Variants in TBC1D16 observed in about 807,000 individuals in gnomAD.
The protein encoded by TBC1D16 is TBC1 domain family member 16.
TBC1D16 carries 58 observed loss-of-function variants against 74.7 expected under a neutral mutation model. The observed-to-expected ratio is 0.78, with a 90% CI of 0.63 to 0.97. The LOEUF is 0.97. Ranked by LOEUF, TBC1D16 falls within the 50% of genes least tolerant of loss-of-function variation. TBC1D16 has a pLI of 0.00. For missense variants in TBC1D16, 1,014 were observed against 1,079.5 expected (o/e 0.94, Z 0.85); for synonymous variants, 493 against 474.7 (o/e 1.04, Z -0.50).
At chr17:79,949,162 C>A (rs544407021) in intron 7 of TBC1D16, among the ~76,000 whole-genome samples, 156 bp from the exon 8 acceptor site, 2 of 152,360 alleles carry the variant, frequency 1.3e-5, no homozygotes, top group South Asian at 4.1e-4. Flanking sequence ...CCGGATGCGG[C>A]GGATGGGTGG....
At chr17:80,021,699 T>TCACAGACA in intron 1 of TBC1D16, among the ~76,000 whole-genome samples, 1 of 146,246 alleles carries the variant, frequency 6.8e-6, no homozygotes, top group Non-Finnish European at 1.5e-5. Context: ...TGCATAAACA[T>TCACAGACA]CACAGACACA....
rs2036960159 is a variant in TBC1D16, at chr17:80,035,579, T to C, written c.-63+216A>G. On this transcript the variant is annotated intron_variant, in intron 1 of 11. Transcript: ENST00000310924. The surrounding 1 kb of genome is among the most constrained non-coding windows in gnomAD (Gnocchi z 5.3). ...AAAGTCCCCAGGTGCCCCTCCGTGA[T>C]CCAGGTCCTCCCACAACGCTCCCGC... is the stretch of plus-strand genomic sequence containing the variant. Among the ~76,000 whole-genome samples, 1 of 151,770 alleles carries C rather than the reference T, an allele frequency of 6.6e-6. No homozygotes were observed. The highest frequency in any genetic ancestry group is 1.5e-5 in the Non-Finnish European group (1 of 67,900).
intron 3 of TBC1D16, among the ~76,000 whole-genome samples, chr17:79,967,534 T>C (rs1052337336): frequency 6.6e-6 from 1 of 152,166 alleles, no homozygotes; most frequent in African/African-American, 2.4e-5. Context: ...CTCTTCACAA[T>C]ACACGTACAC....
intron 3 of TBC1D16, among the ~76,000 whole-genome samples, chr17:80,002,599 C>T (rs868654717): frequency 2.0e-5 from 3 of 152,192 alleles, no homozygotes; most frequent in African/African-American, 4.8e-5. Flanking sequence ...GAGAGTTTTT[C>T]GGGCCTGTCC....
intron 3 of TBC1D16, among the ~76,000 whole-genome samples, chr17:79,960,031 C>CT (rs1429828570): frequency 2.0e-5 from 3 of 151,516 alleles, no homozygotes; most frequent in Non-Finnish European, 4.4e-5. Context: ...ACAAAGGTTT[C>CT]TTAGACCAGA....
chr17:79,965,815 C>G (rs962857457), intron 3 of TBC1D16, among the ~76,000 whole-genome samples: 1 of 152,240 alleles, frequency 6.6e-6, no homozygotes, highest in Non-Finnish European at 1.5e-5. Context: ...CTCCCCTTCA[C>G]CCCTGCTCCT....
At chr17:80,034,629 T>C (rs1472342874) in intron 1 of TBC1D16, among the ~76,000 whole-genome samples, 1 of 152,246 alleles carries the variant, frequency 6.6e-6, no homozygotes, top group African/African-American at 2.4e-5. Flanking sequence ...ACTTTGTAGT[T>C]AATACCAAAA....
chr17:79,935,459 C>T lies in TBC1D16; in HGVS notation c.*5400G>A, dbSNP rs1196722730. On this transcript the variant is annotated 3_prime_UTR_variant, in exon 12 of 12. Transcript: ENST00000310924. ...GTCCCCACAGCCCCCATCCAGCTCTCTTTTACACCTTCCCCTCCCCCATCT... is the reference window on the plus strand; with the variant it reads ...GTCCCCACAGCCCCCATCCAGCTCTTTTTTACACCTTCCCCTCCCCCATCT... 1 of 152,310 alleles carries T rather than the reference C, an allele frequency of 6.6e-6. No homozygotes were observed. Among genetic ancestry groups the T allele is most frequent in the African/African-American group, 2.4e-5 (1 of 41,472 alleles). The allele number at this position is 152,310 out of a possible 1,614,324, so 9.4% of individuals were successfully genotyped here.
chr17:79,947,674 G>A lies in TBC1D16; in HGVS notation c.1699C>T (p.Pro567Ser). ...TGTTTCTCCATGTCCTCGTCCCGGG[G>A]TGAGCTGACGAAGATCGTGTTCTGC... ...LMQNTIFVSS[P>S]RDEDMEKQLL... is the part of the protein sequence containing the mutation. Residue 567 changes from proline (P) to serine (S), a missense_variant, in exon 9 of 12, where the codon CCC (proline) becomes TCC (serine). Pro to Ser is a moderately conservative substitution (Grantham distance 74). Transcript: ENST00000310924. 6.2e-7 allele frequency: 1 copy of A among 1,614,116 alleles called. No individual in the cohort carries two copies. Among genetic ancestry groups the A allele is most frequent in the Non-Finnish European group, 8.5e-7 (1 of 1,180,020 alleles).
At chr17:79,974,841 G>C (rs1204340748) in intron 3 of TBC1D16, among the ~76,000 whole-genome samples, 2 of 152,208 alleles carry the variant, frequency 1.3e-5, no homozygotes, top group Non-Finnish European at 2.9e-5. Context: ...TTTATCTTAT[G>C]ATGCTGAGGA....
intron 4 of TBC1D16, chr17:79,951,916 G>A (rs1463929167): frequency 1.6e-5 from 4 of 248,952 alleles, no homozygotes; most frequent in East Asian, 1.7e-4. Context: ...GGGTCCCAAC[G>A]CTGAGTGCCC....
intron 3 of TBC1D16, among the ~76,000 whole-genome samples, chr17:79,974,771 C>G (rs2034258819): frequency 6.6e-6 from 1 of 152,158 alleles, no homozygotes; most frequent in Non-Finnish European, 1.5e-5. Flanking sequence ...CCCTGGGGAC[C>G]CAGCAAAGGC....
In TBC1D16 at chr17:80,001,150, C is replaced by G. The variant is rs1416057733; in HGVS notation, c.779+9010G>C. 1.3e-5 allele frequency among the ~76,000 whole-genome samples: 2 copies of G among 152,252 alleles called. No homozygotes were observed. The highest frequency in any genetic ancestry group is 4.8e-5 in the African/African-American group (2 of 41,476). On this transcript the variant is annotated intron_variant, in intron 3 of 11. Transcript: ENST00000310924. The surrounding 1 kb of genome is among the most constrained non-coding windows in gnomAD (Gnocchi z 5.8). ...GACTGACTATGGCCACATGCCAGTT[C>G]ATGGGGCTCTGACCAGCCAGCTGCC...
In TBC1D16 at chr17:80,007,361, G is replaced by A. The variant is rs144374820; in HGVS notation, c.779+2799C>T. On this transcript the variant is annotated intron_variant, in intron 3 of 11. Transcript: ENST00000310924. The surrounding 1 kb of genome is among the most constrained non-coding windows in gnomAD (Gnocchi z 4.5). Reference sequence around the variant, plus strand: ...GACTCTGCCCTACAAGGGGGTTCTTGGCCGCACTTCACACCCGTGAGGCAT... The same window carrying A: ...GACTCTGCCCTACAAGGGGGTTCTTAGCCGCACTTCACACCCGTGAGGCAT... Among the ~76,000 whole-genome samples, 21 of 152,354 alleles carry A rather than the reference G, an allele frequency of 1.4e-4. 1 individual carries two copies. In the East Asian group the frequency reaches 3.9e-3, roughly 28 times the overall value.
At chr17:79,942,250 C>G (rs2032083824) in intron 10 of TBC1D16, 44 bp from the exon 11 acceptor site, 2 of 1,547,224 alleles carry the variant, frequency 1.3e-6, no homozygotes, top group African/African-American at 1.4e-5. Context: ...TGACCGAGCC[C>G]CAGGCCCTGC....
chr17:79,941,093 C>A lies in TBC1D16; in HGVS notation c.2070G>T (p.Leu690=). ...TCCGGGGCAGGAGGCGGAACTGGTACAGCAAACTCCTCGCCTGCAGACAGA... is the reference window on the plus strand; with the variant it reads ...TCCGGGGCAGGAGGCGGAACTGGTAAAGCAAACTCCTCGCCTGCAGACAGA... The part of the protein sequence containing the change: ...ELVLRKARSL[L]YQFRLLPRIP... The change falls in exon 12 of 12, where the codon CTG becomes CTT. Residue 690 remains leucine, a synonymous_variant. Coordinates refer to ENST00000310924, the MANE Select transcript of TBC1D16 (RefSeq NM_019020.4). The surrounding 1 kb of genome is among the most constrained non-coding windows in gnomAD (Gnocchi z 4.3). The A allele has an allele frequency of 6.3e-7, 1 of 1,581,624 alleles. No homozygotes were observed. The highest frequency in any genetic ancestry group is 8.6e-7 in the Non-Finnish European group (1 of 1,161,998).
intron 3 of TBC1D16, among the ~76,000 whole-genome samples, chr17:79,999,092 G>A (rs1226085204): frequency 6.6e-6 from 1 of 151,856 alleles, no homozygotes; most frequent in Non-Finnish European, 1.5e-5. Flanking sequence ...CCCATCTCTA[G>A]TAAAAATACA....
rs960661686 is a variant in TBC1D16 at position 79,985,906 on chromosome 17, C to A, written c.779+24254G>T. Among the ~76,000 whole-genome samples, 8 of 152,178 alleles carry A rather than the reference C, an allele frequency of 5.3e-5. No homozygotes were observed. The highest frequency in any genetic ancestry group is 1.7e-4 in the African/African-American group (7 of 41,434). The stretch of plus-strand genomic sequence containing the variant: ...CCAAATCAGGGGCCCTCTGCTACTA[C>A]CAAACTCTCCCGGCAAAGCTTAATT... On this transcript the variant is annotated intron_variant, in intron 3 of 11. Coordinates refer to ENST00000310924, the MANE Select transcript of TBC1D16 (RefSeq NM_019020.4). This position sits in a 1 kb window ranked among gnomAD's most constrained non-coding sequence, Gnocchi z 4.9.
In TBC1D16 at chr17:80,010,630, G is replaced by T; in HGVS notation, c.309C>A (p.Ser103=). Residue 103 remains serine (S), a synonymous_variant, in exon 3 of 12, where the codon TCC becomes TCA. Coordinates refer to ENST00000310924, the MANE Select transcript of TBC1D16 (RefSeq NM_019020.4). The surrounding 1 kb of genome is among the most constrained non-coding windows in gnomAD (Gnocchi z 8.8). ...GAGGGCGGGGTGCCTTGCGAACGGG[G>T]GAGCTCTCGGGTGTGATGTAGCGCA... ...EALRYITPES[S]PVRKAPRPRG... 2.5e-6 allele frequency: 4 copies of T among 1,573,896 alleles called. No homozygotes were observed. The highest frequency in any genetic ancestry group is 3.4e-6 in the Non-Finnish European group (4 of 1,162,804).
Sources: gnomAD v4.1 joint callset for allele counts (sites outside exome capture counted in the v4.1 genomes callset) on GRCh38, gnomAD v4.1.1 for gene constraint, Gnocchi (gnomAD v3.1) non-coding constraint, MANE v1.5 for transcripts, NCBI Gene and HGNC (gene_info 2026-07-23, HGNC 2026-07-21) for gene names.